SPTLC2: variants seen among roughly 807,000 people sequenced by gnomAD.
SPTLC2 encodes serine palmitoyltransferase long chain base subunit 2.
SPTLC2 carries 21 observed loss-of-function variants against 62.0 expected under a neutral mutation model. That is an observed-to-expected ratio of 0.34 (90% confidence interval 0.24 to 0.49). The LOEUF (loss-of-function observed/expected upper bound fraction) is 0.49. Ranked by LOEUF, SPTLC2 falls within the 20% of genes least tolerant of loss-of-function variation. SPTLC2 has a pLI of 0.99. For synonymous variants in SPTLC2, 261 were observed against 261.8 expected (o/e 1.00, Z 0.03); for missense variants, 511 against 713.0 (o/e 0.72, Z 3.23).
intron 9 of SPTLC2, among the ~76,000 whole-genome samples, chr14:77,541,322 A>G (rs1973866): frequency 0.96 from 146,256 of 152,276 alleles, 70,528 homozygotes; most frequent in East Asian, 1. Flanking sequence ...TTACAGGTTT[A>G]AGCCACCAGG....
chr14:77,589,589 A>G (rs2079803713), intron 2 of SPTLC2, among the ~76,000 whole-genome samples: 1 of 152,000 alleles, frequency 6.6e-6, no homozygotes, highest in African/African-American at 2.4e-5. Flanking sequence ...TAGGAGTTCA[A>G]GACCAGCCTG....
intron 9 of SPTLC2, among the ~76,000 whole-genome samples, chr14:77,539,636 C>G (rs2079489918): frequency 6.6e-6 from 1 of 151,128 alleles, no homozygotes; most frequent in Admixed American, 6.6e-5. Context: ...ATTACAGGTG[C>G]CTGCCACCAA....
intron 9 of SPTLC2, among the ~76,000 whole-genome samples, chr14:77,534,617 T>C (rs909947071): frequency 5.4e-4 from 11 of 20,386 alleles, no homozygotes; most frequent in East Asian, 4.1e-3. Flanking sequence ...ATGCTAAACA[T>C]AGAAGAAATA....
chr14:77,615,512 T>TA (rs1324880599), intron 1 of SPTLC2, among the ~76,000 whole-genome samples: 1 of 152,212 alleles, frequency 6.6e-6, no homozygotes, highest in Non-Finnish European at 1.5e-5. Context: ...TTAAACGTAT[T>TA]AAAGTCAACT....
intron 9 of SPTLC2, among the ~76,000 whole-genome samples, chr14:77,542,927 G>A (rs937394321): frequency 6.6e-5 from 10 of 152,316 alleles, no homozygotes; most frequent in Admixed American, 6.5e-4. Flanking sequence ...TAAAAGAATG[G>A]TTGCTAATGC....
At chr14:77,570,240 A>AT in intron 5 of SPTLC2, 144 bp downstream of exon 5, 2 of 1,074,534 alleles carry the variant, frequency 1.9e-6, no homozygotes, top group Non-Finnish European at 2.6e-6. Context: ...AAAAAAAAAA[A>AT]GAAAAACAAT....
chr14:77,565,384 T>C (rs2079639495), intron 5 of SPTLC2, among the ~76,000 whole-genome samples: 1 of 151,582 alleles, frequency 6.6e-6, no homozygotes, highest in Non-Finnish European at 1.5e-5. Context: ...CCACAATATA[T>C]GGTGATTACA....
intron 1 of SPTLC2, among the ~76,000 whole-genome samples, chr14:77,605,682 C>T (rs181090409): frequency 1.3e-5 from 2 of 152,336 alleles, no homozygotes; most frequent in East Asian, 3.9e-4. Context: ...CTTATGACAG[C>T]TATATGGGTT....
At chr14:77,563,580 C>G (rs1350941296) in intron 5 of SPTLC2, among the ~76,000 whole-genome samples, 3 of 152,068 alleles carry the variant, frequency 2.0e-5, no homozygotes, top group African/African-American at 7.2e-5. Context: ...AGCCCACCAC[C>G]AGGCCCAGCT....
chr14:77,577,586 G>A (rs4903612), intron 3 of SPTLC2, among the ~76,000 whole-genome samples: 146,215 of 152,274 alleles, frequency 0.96, 70,493 homozygotes, highest in Middle Eastern at 1. Context: ...GGGTGTCACT[G>A]ATATTTGACC....
intron 9 of SPTLC2, among the ~76,000 whole-genome samples, chr14:77,540,114 C>T (rs895484166): frequency 2.7e-5 from 4 of 149,956 alleles, no homozygotes; most frequent in African/African-American, 4.9e-5. Context: ...GAGAATCGCT[C>T]GAACCTGGGA....
chr14:77,590,183 C>T (rs958205570), intron 2 of SPTLC2, among the ~76,000 whole-genome samples: 1 of 152,076 alleles, frequency 6.6e-6, no homozygotes, highest in African/African-American at 2.4e-5. Context: ...TGTTACATTG[C>T]TCAGGTTGGT....
intron 1 of SPTLC2, among the ~76,000 whole-genome samples, chr14:77,610,922 T>A (rs2079932352): frequency 6.7e-6 from 1 of 149,826 alleles, no homozygotes; most frequent in African/African-American, 2.4e-5. Flanking sequence ...TATATATTTT[T>A]ATTTATTTTT....
intron 1 of SPTLC2, among the ~76,000 whole-genome samples, chr14:77,608,930 A>G (rs2079920221): frequency 7.0e-6 from 1 of 142,248 alleles, no homozygotes; most frequent in South Asian, 2.2e-4. Context: ...AATAATAATA[A>G]TAATAATAAT....
chr14:77,522,345 T>C (rs982828786), intron 9 of SPTLC2, among the ~76,000 whole-genome samples: 4 of 152,116 alleles, frequency 2.6e-5, no homozygotes, highest in African/African-American at 9.7e-5. Context: ...GTATTTTTAG[T>C]AGAGACAGGG....
intron 2 of SPTLC2, among the ~76,000 whole-genome samples, chr14:77,586,785 G>A (rs1195307052): frequency 6.6e-6 from 1 of 152,074 alleles, no homozygotes; most frequent in East Asian, 1.9e-4. Context: ...ACTTCCAATG[G>A]TCATTAAACA....
chr14:77,555,613 A>T (rs2079579069), intron 7 of SPTLC2, 94 bp from the exon 8 acceptor site: 6 of 1,234,602 alleles, frequency 4.9e-6, no homozygotes, highest in South Asian at 2.7e-5. Context: ...TATTGAGTTT[A>T]CTGCTTCTTT....
At chr14:77,601,410 C>T (rs1037186550) in intron 1 of SPTLC2, among the ~76,000 whole-genome samples, 1 of 152,132 alleles carries the variant, frequency 6.6e-6, no homozygotes, top group East Asian at 1.9e-4. Context: ...AAACATTGCT[C>T]CTAACTCCAC....
chr14:77,557,838 G>A (rs1032563447), intron 6 of SPTLC2, among the ~76,000 whole-genome samples: 2 of 152,052 alleles, frequency 1.3e-5, no homozygotes, highest in Non-Finnish European at 2.9e-5. Flanking sequence ...TGGTTAATGG[G>A]CCTGGAAACA....
Sources: gnomAD v4.1 joint callset for allele counts (sites outside exome capture counted in the v4.1 genomes callset) on GRCh38, gnomAD v4.1.1 for gene constraint, MANE v1.5 for transcripts, NCBI Gene and HGNC (gene_info 2026-07-23, HGNC 2026-07-21) for gene names.